The following ROBO2 variants were observed in gnomAD, a reference collection of about 807,000 sequenced individuals.
ROBO2 encodes roundabout homolog 2.
Under a neutral mutation model 160.8 loss-of-function variants are expected in ROBO2, and 53 were observed. The ratio of observed to expected loss-of-function variants is 0.33; its 90% CI spans 0.26 to 0.41. ROBO2 has a LOEUF of 0.41. Ranked by LOEUF, ROBO2 falls within the 10% of genes least tolerant of loss-of-function variation. ROBO2 has a pLI of 1.00. For synonymous variants in ROBO2, 664 were observed against 611.7 expected, an observed-to-expected ratio of 1.09 and a Z score of -1.26; for missense variants, 1,577 against 1,722.4, an observed-to-expected ratio of 0.92 and a Z score of 1.49.
At chr3:76,965,389 C>T (rs1173638624) in intron 2 of ROBO2, among the ~76,000 whole-genome samples, 3 of 152,190 alleles carry the variant, frequency 2.0e-5, no homozygotes, top group African/African-American at 4.8e-5. Context: ...TCTGACTCTT[C>T]CTGCCTTAGC....
intron 2 of ROBO2, among the ~76,000 whole-genome samples, chr3:76,208,745 C>T (rs1198011397): frequency 6.6e-6 from 1 of 152,152 alleles, no homozygotes; most frequent in East Asian, 1.9e-4. Flanking sequence ...GTACCCATTT[C>T]CTCTGAAGCA....
intron 2 of ROBO2, among the ~76,000 whole-genome samples, chr3:76,042,663 A>AAAACCAGG (rs1425272141): frequency 2.0e-5 from 3 of 152,010 alleles, no homozygotes; most frequent in African/African-American, 7.3e-5. Flanking sequence ...CCAAAACCAG[A>AAAACCAGG]CCCAAAACCA....
At chr3:77,160,514 A>G (rs7432820) in intron 2 of ROBO2, among the ~76,000 whole-genome samples, 2,098 of 152,308 alleles carry the variant, frequency 0.014, 18 homozygotes, top group Middle Eastern at 0.034. Flanking sequence ...TCTTAATAAT[A>G]TATCCTTATA....
chr3:77,197,324 G>A (rs1384192537), intron 2 of ROBO2, among the ~76,000 whole-genome samples: 1 of 152,192 alleles, frequency 6.6e-6, no homozygotes, highest in Non-Finnish European at 1.5e-5. Flanking sequence ...ATGAGCAATA[G>A]ACAACCTCAC....
intron 2 of ROBO2, among the ~76,000 whole-genome samples, chr3:77,275,652 A>G (rs1176959559): frequency 6.6e-6 from 1 of 152,130 alleles, no homozygotes; most frequent in Non-Finnish European, 1.5e-5. Context: ...TGTTTTATCA[A>G]ATAAAATCTT....
chr3:76,734,173 C>G (rs2093675959), intron 2 of ROBO2, among the ~76,000 whole-genome samples: 1 of 152,074 alleles, frequency 6.6e-6, no homozygotes, highest in South Asian at 2.1e-4. Flanking sequence ...CCATAATACC[C>G]ACATTTTAGA....
chr3:76,001,510 ATATG>A lies in ROBO2; in HGVS notation c.109+63910_109+63913del, dbSNP rs149918214. ...TATGTAAACTCAATCATTTATTTGA[ATATG>A]TGTGTGTGTGTGTGTATGTGTGTAT... is the stretch of plus-strand genomic sequence containing the variant. On this transcript the variant is annotated intron_variant, in intron 2 of 26. Transcript: ENST00000487694. 6.8e-3 allele frequency among the ~76,000 whole-genome samples: 1,037 copies of A among 152,004 alleles called. 68 individuals are homozygous for A. In the East Asian group the frequency reaches 0.17, roughly 25 times the overall value.
chr3:77,634,405 T>C (rs186921905), intron 23 of ROBO2: 173 of 186,512 alleles, frequency 9.3e-4, no homozygotes, highest in African/African-American at 3.8e-3. Flanking sequence ...ATGTAATTAC[T>C]ATATGACATT....
At chr3:76,723,670 T>G (rs993343070) in intron 2 of ROBO2, among the ~76,000 whole-genome samples, 5 of 152,226 alleles carry the variant, frequency 3.3e-5, no homozygotes, top group African/African-American at 1.2e-4. Context: ...ACTGACTTAT[T>G]TCCCCATTCA....
At chr3:76,947,595 T>C (rs1259603728) in intron 2 of ROBO2, among the ~76,000 whole-genome samples, 1 of 152,186 alleles carries the variant, frequency 6.6e-6, no homozygotes, top group Non-Finnish European at 1.5e-5. Flanking sequence ...CTGCAATCGA[T>C]GACATGTGAC....
At chr3:76,746,458 A>G (rs1436799172) in intron 2 of ROBO2, among the ~76,000 whole-genome samples, 2 of 152,172 alleles carry the variant, frequency 1.3e-5, no homozygotes, top group East Asian at 3.9e-4. Flanking sequence ...CAACAGTGTA[A>G]AAGTGTTCCT....
At chr3:76,531,731 T>C (rs1464794264) in intron 2 of ROBO2, among the ~76,000 whole-genome samples, 1 of 151,896 alleles carries the variant, frequency 6.6e-6, no homozygotes, top group Non-Finnish European at 1.5e-5. Context: ...TGATGCTATT[T>C]GTTGAAAAAA....
intron 2 of ROBO2, among the ~76,000 whole-genome samples, chr3:76,852,908 C>T (rs760861154): frequency 3.3e-5 from 5 of 151,944 alleles, no homozygotes; most frequent in Non-Finnish European, 7.4e-5. Flanking sequence ...CATTAGCAGG[C>T]GTCCCTTAAG....
chr3:77,528,615 A>G (rs1350168689), intron 6 of ROBO2, among the ~76,000 whole-genome samples: 2 of 151,656 alleles, frequency 1.3e-5, no homozygotes, highest in Admixed American at 6.6e-5. Context: ...TATAAAATGG[A>G]GAGAATAATA....
intron 6 of ROBO2, among the ~76,000 whole-genome samples, chr3:77,523,446 G>A (rs2090818885): frequency 6.6e-6 from 1 of 151,316 alleles, no homozygotes; most frequent in South Asian, 2.1e-4. Context: ...AAGTTCATTG[G>A]CCTTAAATAA....
chr3:76,823,440 C>G (rs558459371), intron 2 of ROBO2, among the ~76,000 whole-genome samples: 1 of 152,160 alleles, frequency 6.6e-6, no homozygotes, highest in South Asian at 2.1e-4. Context: ...AAATTAAATA[C>G]AAAGGATAAA....
rs375768627 is a variant in ROBO2 at position 76,632,629 on chromosome 3, T to C, written c.110-465385T>C. ...TTCATACTGTCACATTAAGAATATCTTATCAATATGCGATCTAGATCATTT... is the reference window on the plus strand; with the variant it reads ...TTCATACTGTCACATTAAGAATATCCTATCAATATGCGATCTAGATCATTT... On this transcript the variant is annotated intron_variant, in intron 2 of 26. Coordinates refer to the ROBO2 transcript ENST00000487694. 1.5e-4 allele frequency among the ~76,000 whole-genome samples: 23 copies of C among 152,336 alleles called. No individual in the cohort carries two copies. In the East Asian group the frequency reaches 1.5e-3, roughly 10 times the overall value.
intron 2 of ROBO2, among the ~76,000 whole-genome samples, chr3:76,138,946 T>A (rs931791394): frequency 2.0e-5 from 3 of 152,126 alleles, no homozygotes; most frequent in Non-Finnish European, 4.4e-5. Flanking sequence ...GGTAAACAGA[T>A]TTACTTATAT....
intron 2 of ROBO2, among the ~76,000 whole-genome samples, chr3:77,213,414 C>T (rs923907215): frequency 3.4e-4 from 52 of 152,038 alleles, no homozygotes; most frequent in Non-Finnish European, 5.6e-4. Flanking sequence ...TCTATGGGAT[C>T]GGTGGTGATA....
Sources: allele counts gnomAD v4.1 joint callset (sites outside exome capture counted in the v4.1 genomes callset), GRCh38; gene constraint gnomAD v4.1.1; transcripts MANE v1.5; gene names NCBI Gene and HGNC (gene_info 2026-07-23, HGNC 2026-07-21).